The following UGCG variants were observed in gnomAD, a reference collection of about 807,000 sequenced individuals.
UGCG encodes UDP-glucose ceramide glucosyltransferase.
UGCG carries 10 observed loss-of-function variants against 49.5 expected under a neutral mutation model. The observed-to-expected ratio is 0.20, with a 90% CI of 0.12 to 0.34. The LOEUF (loss-of-function observed/expected upper bound fraction) is 0.34, where lower values mean the gene tolerates loss of function less well. Among genes scored for constraint, UGCG ranks in the 10% least tolerant of loss-of-function variants. UGCG has a pLI of 1.00. For synonymous variants in UGCG, 182 were observed against 158.2 expected, an observed-to-expected ratio of 1.15 and a Z score of -1.13; for missense variants, 312 against 483.7, an observed-to-expected ratio of 0.65 and a Z score of 3.33.
intron 2 of UGCG, among the ~76,000 whole-genome samples, chr9:111,919,163 T>C (rs1429859932): frequency 2.0e-5 from 3 of 152,174 alleles, no homozygotes; most frequent in African/African-American, 7.2e-5. Flanking sequence ...CTTATAAACA[T>C]TTCCTTTCAT....
intron 1 of UGCG, among the ~76,000 whole-genome samples, chr9:111,909,368 C>G (rs1336057224): frequency 6.6e-5 from 10 of 152,138 alleles, no homozygotes; most frequent in East Asian, 3.8e-4. Flanking sequence ...ATTCTGTCAT[C>G]CACATCTCAA....
At chr9:111,922,736 C>G in intron 2 of UGCG, 113 bp from the exon 3 acceptor site, 1 of 614,220 alleles carries the variant, frequency 1.6e-6, no homozygotes, top group Non-Finnish European at 2.6e-6. Context: ...TCTTTTAAAA[C>G]TTTGCATAAT....
Position 111,930,788 on chromosome 9 carries a change from G to A in UGCG, c.738-483G>A, listed in dbSNP as rs543712184. Among the ~76,000 whole-genome samples, 3 of 152,292 alleles carry A rather than the reference G, an allele frequency of 2.0e-5. No individual in the cohort carries two copies. The South Asian group carries it at 6.2e-4, about 32-fold the overall frequency. On this transcript the variant is annotated intron_variant, in intron 6 of 8. Transcript: ENST00000374279. ...CAGCCTAAAATACTTGTTTTTAAAG[G>A]AGATCACTGCCTTGTGTGAGAATTC...
At chr9:111,923,874 A>G (rs956028844) in intron 3 of UGCG, among the ~76,000 whole-genome samples, 1 of 152,142 alleles carries the variant, frequency 6.6e-6, no homozygotes, top group African/African-American at 2.4e-5. Flanking sequence ...CAGGTGATCC[A>G]CCTGCCTCGG....
Position 111,896,914 on chromosome 9 carries a change from C to A in UGCG, c.-302C>A, listed in dbSNP as rs538083514. ...GCGCGCAGGGTCTGGTGGGCGGCCG[C>A]GAGGCTCGGGAGAGGCGAACCGGAG... On this transcript the variant is annotated 5_prime_UTR_variant, in exon 1 of 9. Coordinates refer to ENST00000374279, the MANE Select transcript of UGCG (RefSeq NM_003358.3). 207 of 169,120 alleles carry A rather than the reference C, an allele frequency of 1.2e-3. 3 individuals are homozygous for A. Among genetic ancestry groups the A allele is most frequent in the African/African-American group, 4.6e-3 (192 of 41,938 alleles). 10.5% of individuals were successfully genotyped at this position (169,120 alleles called of 1,614,324 possible).
chr9:111,917,827 C>T (rs1564201826), intron 2 of UGCG, among the ~76,000 whole-genome samples: 1 of 152,172 alleles, frequency 6.6e-6, no homozygotes, highest in Non-Finnish European at 1.5e-5. Context: ...TCATTTTCCA[C>T]AGCATTGAAC....
chr9:111,916,463 G>T (rs1165756810), intron 2 of UGCG, among the ~76,000 whole-genome samples: 2 of 152,044 alleles, frequency 1.3e-5, no homozygotes, highest in Non-Finnish European at 2.9e-5. Flanking sequence ...AGAAAGAATG[G>T]TTTTTTGTGT....
chr9:111,933,147 C>G lies in UGCG; in HGVS notation c.*150C>G. On this transcript the variant is annotated 3_prime_UTR_variant, in exon 9 of 9. Transcript: ENST00000374279. ...ATTTATTTTTGCATGGCACTTGCAT[C>G]TGTGAAAAAAAAAAAAAACACATCT... 1.7e-6 allele frequency: 1 copy of G among 586,480 alleles called. No homozygotes were observed. Among genetic ancestry groups the G allele is most frequent in the Non-Finnish European group, 2.4e-6 (1 of 416,912 alleles). The allele number at this position is 586,480 out of a possible 1,614,324, so 36.3% of individuals were successfully genotyped here.
intron 1 of UGCG, among the ~76,000 whole-genome samples, chr9:111,903,806 G>T (rs922321659): frequency 3.9e-5 from 6 of 152,122 alleles, no homozygotes; most frequent in Admixed American, 6.5e-5. Context: ...GTGTTGGCTA[G>T]GCTGGTCTCG....
intron 1 of UGCG, among the ~76,000 whole-genome samples, chr9:111,907,786 G>A (rs1428545256): frequency 3.3e-5 from 5 of 151,906 alleles, no homozygotes; most frequent in African/African-American, 9.7e-5. Context: ...GGCCACACCT[G>A]GCTAATTATT....
chr9:111,924,792 G>A lies in UGCG; in HGVS notation c.359G>A (p.Gly120Asp). Residue 120 changes from glycine (G) to aspartate (D), a missense_variant, in exon 4 of 9, where the codon GGC becomes GAC. By Grantham distance (94) the Gly-to-Asp change is moderately conservative. This residue lies in a region of UGCG where 64 missense variants were observed against 67.6 expected (regional missense o/e 0.95). Coordinates refer to ENST00000374279, the MANE Select transcript of UGCG (RefSeq NM_003358.3). ...ACATTTTTAGGTGGCAAAAAAGTTG[G>A]CATTAATCCTAAAATTAATAATTTA... is the stretch of plus-strand genomic sequence containing the variant. ...ARLFIGGKKVGINPKINNLMP... is the reference protein window; with the variant it reads ...ARLFIGGKKVDINPKINNLMP... The A allele has an allele frequency of 6.6e-7, 1 of 1,525,730 alleles. No homozygotes were observed. Among genetic ancestry groups the A allele is most frequent in the Non-Finnish European group, 8.7e-7 (1 of 1,143,764 alleles). The allele number at this position is 1,525,730 out of a possible 1,614,324, so 94.5% of individuals were successfully genotyped here.
In UGCG at chr9:111,933,442, C is replaced by G. The variant is rs1339496278; in HGVS notation, c.*445C>G. The G allele has an allele frequency of 6.6e-6, 1 of 152,106 alleles. No homozygotes were observed. The allele number at this position is 152,106 out of a possible 1,614,324, so 9.4% of individuals were successfully genotyped here. ...TAATAGAAGGAATGACTATTCATGT[C>G]CAAAGTGAATGGTTTTGTGCAGTGA... On this transcript the variant is annotated 3_prime_UTR_variant, in exon 9 of 9. Coordinates refer to ENST00000374279, the MANE Select transcript of UGCG (RefSeq NM_003358.3).
chr9:111,935,302 T>A lies in UGCG; in HGVS notation c.*2305T>A, dbSNP rs932301776. The A allele has an allele frequency of 6.6e-6, 1 of 152,230 alleles. No homozygotes were observed. Among genetic ancestry groups the A allele is most frequent in the Admixed American group, 6.5e-5 (1 of 15,280 alleles). 9.4% of individuals were successfully genotyped at this position (152,230 alleles called of 1,614,324 possible). A position where few individuals can be genotyped will look rare whatever the true frequency, so the allele number is the denominator to read the frequency against. On this transcript the variant is annotated 3_prime_UTR_variant, in exon 9 of 9. Transcript: ENST00000374279. The stretch of plus-strand genomic sequence containing the variant: ...AAACCAGTGTCTAGAATATATACCA[T>A]GTTTTATTATTTAAAATCATTGTCT...
chr9:111,907,457 C>T (rs923086768), intron 1 of UGCG, among the ~76,000 whole-genome samples: 3 of 152,048 alleles, frequency 2.0e-5, no homozygotes, highest in Admixed American at 6.6e-5. Context: ...ATTTGAATCC[C>T]GGTGGGGTTT....
chr9:111,923,497 G>A (rs982067456), intron 3 of UGCG, among the ~76,000 whole-genome samples: 2 of 151,866 alleles, frequency 1.3e-5, no homozygotes, highest in African/African-American at 2.4e-5. Context: ...ATGCAAATTT[G>A]AAAATTAATA....
intron 4 of UGCG, 147 bp downstream of exon 4, chr9:111,925,025 T>C: frequency 5.8e-6 from 2 of 346,614 alleles, no homozygotes; most frequent in Non-Finnish European, 5.0e-6. Flanking sequence ...TGTCCAGTTA[T>C]GCTTACTAAG....
intron 1 of UGCG, among the ~76,000 whole-genome samples, chr9:111,909,036 A>G (rs1837944626): frequency 6.6e-6 from 1 of 152,160 alleles, no homozygotes; most frequent in South Asian, 2.1e-4. Context: ...CTTGTGTCTC[A>G]GCTTCCCGAG....
chr9:111,898,123 A>G (rs149941276), intron 1 of UGCG, among the ~76,000 whole-genome samples: 12 of 151,670 alleles, frequency 7.9e-5, no homozygotes, highest in African/African-American at 2.9e-4. Flanking sequence ...TGAGATTGTG[A>G]CGAAGCGTGT....
chr9:111,920,934 G>A (rs766611347), intron 2 of UGCG, among the ~76,000 whole-genome samples: 1 of 150,356 alleles, frequency 6.7e-6, no homozygotes, highest in Non-Finnish European at 1.5e-5. Flanking sequence ...ATGGAGTCTC[G>A]CTCTGTCGCC....
Sources: gnomAD v4.1 joint callset for allele counts (sites outside exome capture counted in the v4.1 genomes callset) on GRCh38, gnomAD v4.1.1 for gene constraint, gnomAD v4.1.1 regional missense constraint, MANE v1.5 for transcripts, NCBI Gene and HGNC (gene_info 2026-07-23, HGNC 2026-07-21) for gene names.